Variants in NPPC observed in about 807,000 individuals in gnomAD.
The protein encoded by NPPC is natriuretic peptide C.
A neutral mutation model predicts 10.2 loss-of-function variants in NPPC; 4 were observed. The ratio of observed to expected loss-of-function variants is 0.39; its 90% CI spans 0.19 to 0.90. NPPC has a LOEUF of 0.90. Ranked by LOEUF, NPPC falls within the 40% of genes least tolerant of loss-of-function variation. The pLI, the probability that NPPC is intolerant of heterozygous loss-of-function variation, is 0.37. For synonymous variants in NPPC, 83 were observed against 87.3 expected, an observed-to-expected ratio of 0.95 and a Z score of 0.27; for missense variants, 182 against 173.8, an observed-to-expected ratio of 1.05 and a Z score of -0.26.
intron 2 of NPPC, among the ~76,000 whole-genome samples, chr2:231,924,020 G>T (rs1170044237): frequency 6.6e-6 from 1 of 152,232 alleles, no homozygotes; most frequent in East Asian, 1.9e-4. Context: ...TCTTCTCCCT[G>T]TGCAGGGGAG....
intron 2 of NPPC, among the ~76,000 whole-genome samples, chr2:231,923,557 C>G (rs1216750113): frequency 6.6e-6 from 1 of 152,126 alleles, no homozygotes; most frequent in Non-Finnish European, 1.5e-5. Context: ...TTTAAAAAAT[C>G]CCAAATAATA....
In NPPC at chr2:231,925,673, C is replaced by G. The variant is rs757084671; in HGVS notation, c.133G>C (p.Ala45Pro). ...CCCTTCTTCTGACCGCCGCCCGCAG[C>G]CTGCGGCTCGGCCAGCTCCTCTGCC... The part of the protein sequence containing the change: ...PPAEELAEPQ[A>P]AGGGQKKGDK... The change falls in exon 2 of 3, where the codon GCT becomes CCT. Residue 45 changes from alanine (A) to proline (P), a missense_variant. Transcript: ENST00000409852. 1 of 1,597,032 alleles carries G rather than the reference C, an allele frequency of 6.3e-7. No homozygotes were observed. The highest frequency in any genetic ancestry group is 1.3e-5 in the African/African-American group (1 of 74,592).
chr2:231,925,587 C>T lies in NPPC; in HGVS notation c.219G>A (p.Arg73=). 1 of 1,611,932 alleles carries T rather than the reference C, an allele frequency of 6.2e-7. No homozygotes were observed. The highest frequency in any genetic ancestry group is 8.5e-7 in the Non-Finnish European group (1 of 1,179,478). ...NLKGDRSRLL[R]DLRVDTKSRA... is the part of the protein sequence containing the mutation. ...GCGACTTGGTGTCCACGCGCAGGTC[C>T]CGGAGCAGTCGCGACCGGTCGCCCT... Residue 73 remains arginine (R), a synonymous_variant, in exon 2 of 3, where the codon CGG becomes CGA. Transcript: ENST00000409852.
rs1443160587 is a variant in NPPC, at chr2:231,926,358, A to T, written c.-109T>A. ...AGGCTGGCTGGGCTGCAGGGCGAGC[A>T]GGGTCCCAGTGCTGCGCGGCGCCGG... is the stretch of plus-strand genomic sequence containing the variant. On this transcript the variant is annotated 5_prime_UTR_variant, in exon 1 of 3. Coordinates refer to ENST00000409852, the MANE Select transcript of NPPC (RefSeq NM_024409.4). 1.5e-6 allele frequency: 1 copy of T among 665,880 alleles called. No homozygotes were observed. The highest frequency in any genetic ancestry group is 2.1e-6 in the Non-Finnish European group (1 of 469,198). 41.2% of individuals were successfully genotyped at this position (665,880 alleles called of 1,614,324 possible). A position where few individuals can be genotyped will look rare whatever the true frequency, so the allele number is the denominator to read the frequency against.
Position 231,926,245 on chromosome 2 carries a change from T to A in NPPC, c.5A>T (p.His2Leu). The change falls in exon 1 of 3, where the codon CAT (histidine) becomes CTT (leucine). Residue 2 changes from histidine to leucine, a missense_variant. By Grantham distance (99) the His-to-Leu change is moderately conservative. Coordinates refer to ENST00000409852, the MANE Select transcript of NPPC (RefSeq NM_024409.4). The stretch of plus-strand genomic sequence containing the variant: ...GGCGCAGGCCAGCAGCTGGGAGAGA[T>A]GCATGGTGCCGCTGGGGTCGAGGGG... M[H>L]LSQLLACALL... 2.3e-6 allele frequency: 3 copies of A among 1,308,330 alleles called. No homozygotes were observed. The allele number at this position is 1,308,330 out of a possible 1,614,324, so 81.0% of individuals were successfully genotyped here. A position where few individuals can be genotyped will look rare whatever the true frequency, so the allele number is the denominator to read the frequency against.
chr2:231,926,160 C>A lies in NPPC; in HGVS notation c.90G>T (p.Lys30Asn). 2.3e-6 allele frequency: 3 copies of A among 1,291,878 alleles called. No individual in the cohort carries two copies. The highest frequency in any genetic ancestry group is 2.9e-6 in the Non-Finnish European group (3 of 1,019,758). The allele number at this position is 1,291,878 out of a possible 1,614,324, so 80.0% of individuals were successfully genotyped here. A position where few individuals can be genotyped will look rare whatever the true frequency, so the allele number is the denominator to read the frequency against. The change falls in exon 1 of 3, where the codon AAG becomes AAT. Residue 30 changes from lysine (K) to asparagine (N), a missense_variant and splice_region_variant. Physicochemically the swap from Lys to Asn is moderately conservative, Grantham distance 94 (BLOSUM62 0). Transcript: ENST00000409852. ...TCGGCGTCCCCACGACAGCACCCAC[C>A]TTCGGCGGCGCCCCGGGCTTGGCTT... ...PSEAKPGAPPKVPRTPPAEEL... is the reference protein window; with the variant it reads ...PSEAKPGAPPNVPRTPPAEEL...
chr2:231,922,548 C>T (rs1691943609), intron 2 of NPPC, among the ~76,000 whole-genome samples: 1 of 152,328 alleles, frequency 6.6e-6, no homozygotes, highest in African/African-American at 2.4e-5. Context: ...ACCAGCGTGT[C>T]TGCAACACTC....
chr2:231,925,835 C>G, intron 1 of NPPC, 120 bp from the exon 2 acceptor site: 1 of 1,218,118 alleles, frequency 8.2e-7, no homozygotes, highest in Admixed American at 3.4e-5. Context: ...GAGCCGCCCC[C>G]ACCGATGCCG....
rs1376044373 is a variant in NPPC at position 231,925,661 on chromosome 2, C to A, written c.145G>T (p.Gly49Cys). The A allele has an allele frequency of 2.5e-6, 4 of 1,601,442 alleles. No homozygotes were observed. The highest frequency in any genetic ancestry group is 1.7e-5 in the Admixed American group (1 of 59,248). The change falls in exon 2 of 3, where the codon GGT becomes TGT. Residue 49 changes from glycine to cysteine, a missense_variant. Transcript: ENST00000409852. Reference sequence around the variant, plus strand: ...GGAGCCTTGTCGCCCTTCTTCTGACCGCCGCCCGCAGCCTGCGGCTCGGCC... The same window carrying A: ...GGAGCCTTGTCGCCCTTCTTCTGACAGCCGCCCGCAGCCTGCGGCTCGGCC... Reference protein sequence around the residue: ...ELAEPQAAGGGQKKGDKAPGG... With the variant: ...ELAEPQAAGGCQKKGDKAPGG...
rs5266 is a variant in NPPC at position 231,925,659 on chromosome 2, A to G, written c.147T>C (p.Gly49=). 3.2e-4 allele frequency: 517 copies of G among 1,601,166 alleles called. 2 individuals carry two copies. The highest frequency in any genetic ancestry group is 2.0e-4 in the Admixed American group (12 of 59,232). ...ELAEPQAAGG[G]QKKGDKAPGG... is the part of the protein sequence containing the mutation. Reference sequence around the variant, plus strand: ...CGGGAGCCTTGTCGCCCTTCTTCTGACCGCCGCCCGCAGCCTGCGGCTCGG... The same window carrying G: ...CGGGAGCCTTGTCGCCCTTCTTCTGGCCGCCGCCCGCAGCCTGCGGCTCGG... Residue 49 remains glycine, a synonymous_variant, in exon 2 of 3, where the codon GGT becomes GGC. Transcript: ENST00000409852.
At chr2:231,923,623 G>A (rs1487177033) in intron 2 of NPPC, among the ~76,000 whole-genome samples, 2 of 152,208 alleles carry the variant, frequency 1.3e-5, no homozygotes, top group African/African-American at 2.4e-5. Context: ...GGCGTAAGCC[G>A]GTGTTGAAGG....
chr2:231,924,327 A>G (rs1265035915), intron 2 of NPPC, among the ~76,000 whole-genome samples: 2 of 152,222 alleles, frequency 1.3e-5, no homozygotes, highest in Admixed American at 6.5e-5. Flanking sequence ...AAAAAGAGAC[A>G]GTGTGCTGGA....
At chr2:231,925,741 G>T (rs1340473592) in intron 1 of NPPC, 26 bp from the exon 2 acceptor site, 1 of 1,513,836 alleles carries the variant, frequency 6.6e-7, no homozygotes, top group South Asian at 1.3e-5. Flanking sequence ...GCGGGCAGGT[G>T]AAGGGACACG....
rs974018229 is a variant in NPPC at position 231,926,325 on chromosome 2, T to A, written c.-76A>T. 6 of 1,002,414 alleles carry A rather than the reference T, an allele frequency of 6.0e-6. No homozygotes were observed. The highest frequency in any genetic ancestry group is 7.8e-6 in the Non-Finnish European group (6 of 771,840). 62.1% of individuals were successfully genotyped at this position (1,002,414 alleles called of 1,614,324 possible). A position where few individuals can be genotyped will look rare whatever the true frequency, so the allele number is the denominator to read the frequency against. Reference sequence around the variant, plus strand: ...GTCGGCGGGCAGACCAGCAGGGGGATGCGGAGCAGGCTGGCTGGGCTGCAG... The same window carrying A: ...GTCGGCGGGCAGACCAGCAGGGGGAAGCGGAGCAGGCTGGCTGGGCTGCAG... On this transcript the variant is annotated 5_prime_UTR_variant, in exon 1 of 3. Coordinates refer to ENST00000409852, the MANE Select transcript of NPPC (RefSeq NM_024409.4).
At chr2:231,925,912 C>T (rs1021146446) in intron 1 of NPPC, among the ~76,000 whole-genome samples, 197 bp from the exon 2 acceptor site, 6 of 152,224 alleles carry the variant, frequency 3.9e-5, no homozygotes, top group African/African-American at 1.2e-4. Context: ...AGCCCCCTGC[C>T]CTCCCTTTGC....
intron 1 of NPPC, 88 bp downstream of exon 1, chr2:231,926,072 C>T (rs1007798401): frequency 7.3e-5 from 78 of 1,064,892 alleles, no homozygotes; most frequent in South Asian, 3.3e-4. Context: ...CCTGCCTTCC[C>T]TCTCTCCTGG....
chr2:231,926,213 G>C lies in NPPC; in HGVS notation c.37C>G (p.Leu13Val). 3.8e-6 allele frequency: 5 copies of C among 1,328,924 alleles called. No homozygotes were observed. The highest frequency in any genetic ancestry group is 3.1e-5 in the East Asian group (1 of 32,710). 82.3% of individuals were successfully genotyped at this position (1,328,924 alleles called of 1,614,324 possible). A position where few individuals can be genotyped will look rare whatever the true frequency, so the allele number is the denominator to read the frequency against. Residue 13 changes from leucine (L) to valine (V), a missense_variant, in exon 1 of 3, where the codon CTC (leucine) becomes GTC (valine). By Grantham distance (32) the Leu-to-Val change is conservative. Transcript: ENST00000409852. Reference protein sequence around the residue: ...LSQLLACALLLTLLSLRPSEA... With the variant: ...LSQLLACALLVTLLSLRPSEA... ...GAGGGCCGGAGGGAGAGCAGCGTGAGCAGCAGGGCGCAGGCCAGCAGCTGG... is the reference window on the plus strand; with the variant it reads ...GAGGGCCGGAGGGAGAGCAGCGTGACCAGCAGGGCGCAGGCCAGCAGCTGG...
At chr2:231,926,133 G>T in intron 1 of NPPC, 27 bp downstream of exon 1, 1 of 1,270,934 alleles carries the variant, frequency 7.9e-7, no homozygotes, top group South Asian at 2.9e-5. Flanking sequence ...CCTCTCCCAG[G>T]CTCGGCGTCC....
chr2:231,925,811 C>T, intron 1 of NPPC, 96 bp from the exon 2 acceptor site: 2 of 1,347,862 alleles, frequency 1.5e-6, no homozygotes, highest in South Asian at 3.2e-5. Flanking sequence ...CGCGGGGTGT[C>T]CCTCCCAAGC....
Sources: allele counts gnomAD v4.1 joint callset (sites outside exome capture counted in the v4.1 genomes callset), GRCh38; gene constraint gnomAD v4.1.1; transcripts MANE v1.5; gene names NCBI Gene and HGNC (gene_info 2026-07-23, HGNC 2026-07-21).